Variants in PPP2R3B observed in about 807,000 individuals in gnomAD.
The protein encoded by PPP2R3B is protein phosphatase 2 regulatory subunit B''beta.
PPP2R3B carries 68 observed loss-of-function variants against 72.9 expected under a neutral mutation model. That is an observed-to-expected ratio of 0.93 (90% confidence interval 0.77 to 1.14). PPP2R3B has a LOEUF of 1.14. Ranked by LOEUF, PPP2R3B falls within the 50% of genes most tolerant of loss-of-function variation. The probability of loss-of-function intolerance (pLI) is 0.00; values close to 1 mark genes in which losing one functional copy is unlikely to be tolerated. For missense variants in PPP2R3B, 1,018 were observed against 842.0 expected (o/e 1.21, Z -2.59); for synonymous variants, 466 against 375.8 (o/e 1.24, Z -2.78).
In PPP2R3B at chrX:386,494, G is replaced by T. The variant is rs1185994887; in HGVS notation, c.198C>A (p.Pro66=). ...GAWPTAPLAA[P]RPSGLEPPGT... ...CCGGGGGTTCGAGCCCGCTGGGCCG[G>T]GGGGCGGCGAGCGGGGCTGTGGGCC... is the stretch of plus-strand genomic sequence containing the variant. The change falls in exon 1 of 13, where the codon CCC becomes CCA. Residue 66 remains proline, a synonymous_variant. Coordinates refer to ENST00000390665, the MANE Select transcript of PPP2R3B (RefSeq NM_013239.5). 2.3e-6 allele frequency: 3 copies of T among 1,291,200 alleles called. No homozygotes were observed. The highest frequency in any genetic ancestry group is 2.9e-6 in the Non-Finnish European group (3 of 1,018,338). The allele number at this position is 1,291,200 out of a possible 1,614,324, so 80.0% of individuals were successfully genotyped here. A position where few individuals can be genotyped will look rare whatever the true frequency, so the allele number is the denominator to read the frequency against.
rs1367721876 is a variant in PPP2R3B at position 361,440 on chromosome X, T to A, written c.475A>T (p.Arg159Trp). Reference protein sequence around the residue: ...ESTFARFPHERATMDDMGLVA... With the variant: ...ESTFARFPHEWATMDDMGLVA... ...AGGCCCATGTCATCCATGGTGGCCC[T>A]CTCGTGGGGGAACCGGGCGAAGGTG... Residue 159 changes from arginine to tryptophan, a missense_variant, in exon 2 of 13, where the codon AGG (arginine) becomes TGG (tryptophan). By Grantham distance (101) the Arg-to-Trp change is moderately radical. Coordinates refer to ENST00000390665, the MANE Select transcript of PPP2R3B (RefSeq NM_013239.5). 1 of 1,613,922 alleles carries A rather than the reference T, an allele frequency of 6.2e-7. No homozygotes were observed. Among genetic ancestry groups the A allele is most frequent in the South Asian group, 1.1e-5 (1 of 91,080 alleles).
At chrX:382,192 TTTTC>T (rs1331698739) in intron 1 of PPP2R3B, among the ~76,000 whole-genome samples, 4 of 140,586 alleles carry the variant, frequency 2.8e-5, no homozygotes, top group Admixed American at 7.4e-5. Context: ...TCATCTTTTT[TTTTC>T]TTTTTTTTTT....
intron 1 of PPP2R3B, among the ~76,000 whole-genome samples, chrX:369,187 A>G (rs1442531048): frequency 6.6e-6 from 1 of 152,200 alleles, no homozygotes; most frequent in Admixed American, 6.5e-5. Flanking sequence ...TAAACACAGA[A>G]GGAGCAAAAA....
chrX:386,731 CCCGCCCCGCCCCGGGGGCTTCGGT>C lies in PPP2R3B; in HGVS notation c.-64_-41del, dbSNP rs1295545779. ...CCGCGGCGCCCCCGGACGCCCGCGC[CCCGCCCCGCCCCGGGGGCTTCGGT>C]CCGCCCCGGACCGACCTCGGTGATG... On this transcript the variant is annotated 5_prime_UTR_variant, in exon 1 of 13. Coordinates refer to ENST00000390665, the MANE Select transcript of PPP2R3B (RefSeq NM_013239.5). 1 of 1,188,170 alleles carries C rather than the reference CCCGCCCCGCCCCGGGGGCTTCGGT, an allele frequency of 8.4e-7. No homozygotes were observed. The highest frequency in any genetic ancestry group is 1.0e-6 in the Non-Finnish European group (1 of 959,636). The allele number at this position is 1,188,170 out of a possible 1,614,324, so 73.6% of individuals were successfully genotyped here.
Position 347,600 on chromosome X carries a change from T to A in PPP2R3B, c.604A>T (p.Met202Leu), listed in dbSNP as rs749232708. 3 of 1,577,690 alleles carry A rather than the reference T, an allele frequency of 1.9e-6. No homozygotes were observed. Among genetic ancestry groups the A allele is most frequent in the Non-Finnish European group, 2.6e-6 (3 of 1,161,214 alleles). ...GSVSVHKFVAMWRKILQNCHD... is the reference protein window; with the variant it reads ...GSVSVHKFVALWRKILQNCHD... ...CAGCCCAGGACTCACTTTCTCCACA[T>A]GGCGACGAACTTGTGGACGGACACG... Residue 202 changes from methionine to leucine, a missense_variant, in exon 3 of 13, where the codon ATG becomes TTG. By Grantham distance (15) the Met-to-Leu change is conservative (BLOSUM62 2). Coordinates refer to ENST00000390665, the MANE Select transcript of PPP2R3B (RefSeq NM_013239.5).
intron 2 of PPP2R3B, among the ~76,000 whole-genome samples, chrX:349,782 G>T (rs1227656857): frequency 6.6e-6 from 1 of 152,106 alleles, no homozygotes; most frequent in Non-Finnish European, 1.5e-5. Flanking sequence ...ACGAAAAATG[G>T]AACAAAAATC....
At position 340,886 on chromosome X, in the gene PPP2R3B, C is replaced by T. The variant is rs2071049073; in HGVS notation, c.1230G>A (p.Met410Ile). 11 of 1,612,080 alleles carry T rather than the reference C, an allele frequency of 6.8e-6. No individual in the cohort carries two copies. Among genetic ancestry groups the T allele is most frequent in the Non-Finnish European group, 9.3e-6 (11 of 1,179,678 alleles). The change falls in exon 10 of 13, where the codon ATG (methionine) becomes ATA (isoleucine). Residue 410 changes from methionine to isoleucine, a missense_variant. Met to Ile is a conservative substitution (Grantham distance 10, BLOSUM62 1). Coordinates refer to ENST00000390665, the MANE Select transcript of PPP2R3B (RefSeq NM_013239.5). ...CCTCGTAGAAGTACTCGAGCTCGAA[C>T]ATGGACAGGGCGCCGTCCCCGTCCA... ...MDLDGDGALSMFELEYFYEEQ... is the reference protein window; with the variant it reads ...MDLDGDGALSIFELEYFYEEQ...
chrX:363,208 C>CTGCATCTCCCCGAGCCCACCATCCCACAA (rs1569403379), intron 1 of PPP2R3B, among the ~76,000 whole-genome samples: 1 of 5,578 alleles, frequency 1.8e-4, no homozygotes, highest in Non-Finnish European at 5.0e-4. Flanking sequence ...CAGGAGGTCC[C>CTGCATCTCCCCGAGCCCACCATCCCACAA]TGCATCTCCC....
intron 2 of PPP2R3B, among the ~76,000 whole-genome samples, chrX:352,342 G>T (rs775034310): frequency 1.3e-5 from 2 of 152,236 alleles, no homozygotes; most frequent in African/African-American, 4.8e-5. Context: ...GAACGAGGCC[G>T]CCAGCCCTGA....
chrX:341,710 C>A (rs1603042081), intron 8 of PPP2R3B, 173 bp downstream of exon 8: 1 of 307,988 alleles, frequency 3.2e-6, no homozygotes. Context: ...TCTTGTGCCA[C>A]CCCCCCCCAC....
intron 2 of PPP2R3B, among the ~76,000 whole-genome samples, chrX:356,303 C>A (rs2071433537): frequency 6.6e-6 from 1 of 152,192 alleles, no homozygotes; most frequent in African/African-American, 2.4e-5. Flanking sequence ...GCAACCTCCA[C>A]CTCCCAGGTT....
In PPP2R3B at chrX:347,634, G is replaced by A; in HGVS notation, c.570C>T (p.Arg190=). The part of the protein sequence containing the change: ...GPLFYGAGGE[R]TGSVSVHKFV... ...ACTTGTGGACGGACACGGAGCCCGT[G>A]CGCTCCCCGCCGGCGCCATAGAAGA... is the stretch of plus-strand genomic sequence containing the variant. Residue 190 remains arginine (R), a synonymous_variant, in exon 3 of 13, where the codon CGC becomes CGT. Coordinates refer to ENST00000390665, the MANE Select transcript of PPP2R3B (RefSeq NM_013239.5). 6.3e-7 allele frequency: 1 copy of A among 1,575,262 alleles called. No homozygotes were observed. Among genetic ancestry groups the A allele is most frequent in the Non-Finnish European group, 8.6e-7 (1 of 1,160,152 alleles).
chrX:341,843 A>G, intron 8 of PPP2R3B, 40 bp downstream of exon 8: 1 of 1,608,758 alleles, frequency 6.2e-7, no homozygotes, highest in Non-Finnish European at 8.5e-7. Context: ...GGGTCCTCGC[A>G]GGGGCAATGG....
intron 2 of PPP2R3B, among the ~76,000 whole-genome samples, chrX:359,283 C>G (rs1205840228): frequency 6.6e-6 from 1 of 152,214 alleles, no homozygotes; most frequent in Non-Finnish European, 1.5e-5. Context: ...AGAGATACCC[C>G]ACAACTTCAA....
chrX:350,573 G>C (rs1336706005), intron 2 of PPP2R3B, among the ~76,000 whole-genome samples: 1 of 152,228 alleles, frequency 6.6e-6, no homozygotes, highest in Non-Finnish European at 1.5e-5. Context: ...CCGGAGAGGG[G>C]TGCACGGTGG....
Position 386,566 on chromosome X carries a change from G to C in PPP2R3B, c.126C>G (p.Pro42=). ...CCCCCGGGGTCGGCTGGTCCCGCCC[G>C]GGCGCCTTGATCCGGCGCAGGCAGT... ...LQDCLRRIKA[P]GRDQPTPGDG... Residue 42 remains proline (P), a synonymous_variant, in exon 1 of 13, where the codon CCC becomes CCG. Coordinates refer to ENST00000390665, the MANE Select transcript of PPP2R3B (RefSeq NM_013239.5). The C allele has an allele frequency of 6.9e-7, 1 of 1,440,210 alleles. No individual in the cohort carries two copies. Among genetic ancestry groups the C allele is most frequent in the Non-Finnish European group, 9.1e-7 (1 of 1,095,548 alleles). The allele number at this position is 1,440,210 out of a possible 1,614,324, so 89.2% of individuals were successfully genotyped here.
At chrX:345,946 G>A (rs1373653716) in intron 6 of PPP2R3B, among the ~76,000 whole-genome samples, 1 of 147,236 alleles carries the variant, frequency 6.8e-6, no homozygotes, top group Non-Finnish European at 1.5e-5. Context: ...GCCCAGTACG[G>A]CCCCACCCGC....
intron 9 of PPP2R3B, 56 bp from the exon 10 acceptor site, chrX:340,996 TGCAGCCCCTGAG>T (rs1013599720): frequency 6.3e-5 from 99 of 1,560,748 alleles, no homozygotes; most frequent in African/African-American, 6.0e-4. Flanking sequence ...GCCCGTGACC[TGCAGCCCCTGAG>T]GCAGCCCCCA....
intron 2 of PPP2R3B, among the ~76,000 whole-genome samples, chrX:351,131 G>A (rs187477121): frequency 1.6e-3 from 241 of 152,248 alleles, no homozygotes; most frequent in African/African-American, 7.9e-4. Flanking sequence ...AGCCGTGTGC[G>A]GCTGGAGGGG....
Sources: allele counts gnomAD v4.1 joint callset (sites outside exome capture counted in the v4.1 genomes callset), GRCh38; gene constraint gnomAD v4.1.1; transcripts MANE v1.5; gene names NCBI Gene and HGNC (gene_info 2026-07-23, HGNC 2026-07-21).